PPARGC1A: variants seen among roughly 807,000 people sequenced by gnomAD.
PPARGC1A encodes the protein peroxisome proliferator-activated receptor gamma coactivator 1-alpha.
Under a neutral mutation model 88.7 loss-of-function variants are expected in PPARGC1A, and 25 were observed. That is an observed-to-expected ratio of 0.28 (90% confidence interval 0.21 to 0.39). The LOEUF is 0.39. PPARGC1A is among the 10% of genes least tolerant of loss of function. The pLI is 1.00. For synonymous variants in PPARGC1A, 363 were observed against 355.6 expected (o/e 1.02, Z -0.24); for missense variants, 880 against 968.7 (o/e 0.91, Z 1.22).
chr4:24,226,546 T>C, the PPARGC1A span, among the ~76,000 whole-genome samples: 3 of 152,216 alleles, frequency 2.0e-5, no homozygotes, highest in Non-Finnish European at 4.4e-5. Context: ...AGCAAAGAAT[T>C]AGCTCCTCTG....
the PPARGC1A span, among the ~76,000 whole-genome samples, chr4:24,371,594 C>T: frequency 6.6e-6 from 1 of 151,992 alleles, no homozygotes. Context: ...AGGGGAGAGT[C>T]CCTGAGTCAG....
chr4:24,181,071 C>G, the PPARGC1A span, among the ~76,000 whole-genome samples: 1 of 152,128 alleles, frequency 6.6e-6, no homozygotes, highest in Non-Finnish European at 1.5e-5. Flanking sequence ...AATTACTGCC[C>G]AAATTCAAGG....
chr4:24,309,788 G>A, the PPARGC1A span, among the ~76,000 whole-genome samples: 3 of 152,158 alleles, frequency 2.0e-5, no homozygotes, highest in South Asian at 4.1e-4. Context: ...TGGCTGCTGC[G>A]TGATGAATAG....
the PPARGC1A span, among the ~76,000 whole-genome samples, chr4:24,052,613 G>T: frequency 6.6e-6 from 1 of 150,420 alleles, no homozygotes; most frequent in Non-Finnish European, 1.5e-5. Flanking sequence ...CTCCAGCCTG[G>T]GCGACAGAGT....
the PPARGC1A span, among the ~76,000 whole-genome samples, chr4:23,917,970 A>C: frequency 9.2e-5 from 14 of 152,160 alleles, no homozygotes; most frequent in African/African-American, 3.1e-4. Flanking sequence ...GCTGATACCA[A>C]TTTTACAGAA....
At chr4:23,941,165 C>T in the PPARGC1A span, among the ~76,000 whole-genome samples, 1 of 152,168 alleles carries the variant, frequency 6.6e-6, no homozygotes, top group African/African-American at 2.4e-5. Context: ...CATCCTCCCA[C>T]CTTAGCCTCC....
chr4:23,812,859 C>T lies in PPARGC1A; in HGVS notation c.1907G>A (p.Ser636Asn), dbSNP rs760981911. The T allele has an allele frequency of 1.9e-6, 3 of 1,613,860 alleles. No individual in the cohort carries two copies. The highest frequency in any genetic ancestry group is 2.2e-5 in the South Asian group (2 of 91,070). ...SPYSRRPRYDSYEEYQHERLK... is the reference protein window; with the variant it reads ...SPYSRRPRYDNYEEYQHERLK... ...CCTCTCGTGCTGATATTCCTCGTAGCTGTCATACCTGGGAAACATAACTTT... is the reference window on the plus strand; with the variant it reads ...CCTCTCGTGCTGATATTCCTCGTAGTTGTCATACCTGGGAAACATAACTTT... The change falls in exon 10 of 13, where the codon AGC becomes AAC. Residue 636 changes from serine (S) to asparagine (N), a missense_variant. By Grantham distance (46) the Ser-to-Asn change is conservative. Transcript: ENST00000264867.
chr4:24,031,101 C>G, the PPARGC1A span, among the ~76,000 whole-genome samples: 2 of 152,126 alleles, frequency 1.3e-5, no homozygotes, highest in Non-Finnish European at 1.5e-5. Context: ...CAAGCAGAGA[C>G]TTGCTCCATT....
chr4:24,451,647 G>T, the PPARGC1A span, among the ~76,000 whole-genome samples: 1 of 152,116 alleles, frequency 6.6e-6, no homozygotes. Flanking sequence ...GCACCATCTC[G>T]GCTTACTGCA....
the PPARGC1A span, among the ~76,000 whole-genome samples, chr4:24,223,825 C>T: frequency 2.0e-5 from 3 of 152,188 alleles, no homozygotes; most frequent in African/African-American, 7.2e-5. Context: ...ACAATATAGA[C>T]AAATTCAGTT....
the PPARGC1A span, among the ~76,000 whole-genome samples, chr4:23,941,869 A>T: frequency 6.6e-6 from 1 of 152,312 alleles, no homozygotes; most frequent in Middle Eastern, 3.4e-3. Flanking sequence ...AATGACTATA[A>T]TATCATTCCT....
chr4:23,995,113 G>A, the PPARGC1A span, among the ~76,000 whole-genome samples: 1 of 152,128 alleles, frequency 6.6e-6, no homozygotes, highest in Admixed American at 6.6e-5. Flanking sequence ...GGTACTGACT[G>A]TATCAAAACT....
the PPARGC1A span, among the ~76,000 whole-genome samples, chr4:24,025,804 C>T: frequency 6.6e-6 from 1 of 152,018 alleles, no homozygotes; most frequent in Non-Finnish European, 1.5e-5. Flanking sequence ...AAATATAACT[C>T]CAGGTGTAGG....
chr4:24,008,114 G>A, the PPARGC1A span, among the ~76,000 whole-genome samples: 5 of 152,180 alleles, frequency 3.3e-5, no homozygotes, highest in Non-Finnish European at 4.4e-5. Context: ...AGGAGAGGAA[G>A]AGAACACAGC....
At chr4:23,837,180 T>G (rs1471039158) in intron 2 of PPARGC1A, among the ~76,000 whole-genome samples, 1 of 152,170 alleles carries the variant, frequency 6.6e-6, no homozygotes, top group Non-Finnish European at 1.5e-5. Context: ...CGCTTCCTCA[T>G]TATTCAAATC....
chr4:24,047,144 G>C, the PPARGC1A span, among the ~76,000 whole-genome samples: 1 of 152,122 alleles, frequency 6.6e-6, no homozygotes, highest in Non-Finnish European at 1.5e-5. Context: ...TGAGTGACTA[G>C]TTTCCCAAAC....
chr4:23,844,773 TG>T (rs1194533504), intron 2 of PPARGC1A, among the ~76,000 whole-genome samples: 1 of 113,030 alleles, frequency 8.8e-6, no homozygotes, highest in Non-Finnish European at 1.7e-5. Flanking sequence ...TAATAATATA[TG>T]ATATATATTA....
chr4:24,264,175 A>T, the PPARGC1A span, among the ~76,000 whole-genome samples: 3 of 152,190 alleles, frequency 2.0e-5, no homozygotes, highest in African/African-American at 7.2e-5. Context: ...TCAATAGTAG[A>T]CTATCAGTAG....
At chr4:24,290,105 A>G in the PPARGC1A span, among the ~76,000 whole-genome samples, 4 of 152,176 alleles carry the variant, frequency 2.6e-5, no homozygotes, top group African/African-American at 9.7e-5. Flanking sequence ...CCATGATTCA[A>G]TTACCTCCCA....
Sources: gnomAD v4.1 joint callset for allele counts (sites outside exome capture counted in the v4.1 genomes callset) on GRCh38, gnomAD v4.1.1 for gene constraint, MANE v1.5 for transcripts, NCBI Gene and HGNC (gene_info 2026-07-23, HGNC 2026-07-21) for gene names.